ZNF804B: variants seen among roughly 807,000 people sequenced by gnomAD.
The protein encoded by ZNF804B is zinc finger 804B.
Under a neutral mutation model 101.4 loss-of-function variants are expected in ZNF804B, and 80 were observed. That is an observed-to-expected ratio of 0.79 (90% CI 0.66 to 0.95). The LOEUF (loss-of-function observed/expected upper bound fraction) is 0.95. Among genes scored for constraint, ZNF804B ranks in the 40% least tolerant of loss-of-function variants. The probability of loss-of-function intolerance (pLI) is 0.00; values close to 1 mark genes in which losing one functional copy is unlikely to be tolerated. For missense variants in ZNF804B, 1,673 were observed against 1,561.9 expected (o/e 1.07, Z -1.20); for synonymous variants, 622 against 558.8 (o/e 1.11, Z -1.59).
intron 1 of ZNF804B, among the ~76,000 whole-genome samples, chr7:88,773,484 T>A (rs1790098377): frequency 6.6e-6 from 1 of 152,270 alleles, no homozygotes; most frequent in Non-Finnish European, 1.5e-5. Context: ...AGACACTTGC[T>A]GGCCATGTAG....
At chr7:88,807,378 AG>A (rs1398156862) in intron 1 of ZNF804B, among the ~76,000 whole-genome samples, 5 of 152,234 alleles carry the variant, frequency 3.3e-5, no homozygotes, top group Non-Finnish European at 7.3e-5. Context: ...TTGTATGGGT[AG>A]GGTGATGGCA....
chr7:88,904,245 A>G, intron 1 of ZNF804B, among the ~76,000 whole-genome samples: 1 of 152,170 alleles, frequency 6.6e-6, no homozygotes, highest in South Asian at 2.1e-4. Context: ...CAGCCTTGTC[A>G]AAGATCAGAT....
At chr7:89,116,320 G>A (rs1790312523) in intron 1 of ZNF804B, among the ~76,000 whole-genome samples, 1 of 152,064 alleles carries the variant, frequency 6.6e-6, no homozygotes, top group Admixed American at 6.6e-5. Context: ...GACAGGTATG[G>A]CTATTAAAAC....
At chr7:89,319,087 C>T (rs1237920363) in intron 2 of ZNF804B, among the ~76,000 whole-genome samples, 1 of 152,106 alleles carries the variant, frequency 6.6e-6, no homozygotes, top group Non-Finnish European at 1.5e-5. Context: ...TGGTTTTCCG[C>T]CCTGGGCAGG....
At chr7:89,251,385 C>T (rs1789537838) in intron 2 of ZNF804B, among the ~76,000 whole-genome samples, 1 of 152,062 alleles carries the variant, frequency 6.6e-6, no homozygotes, top group South Asian at 2.1e-4. Flanking sequence ...ACTAGGAATA[C>T]ATCTAACCAA....
At chr7:89,092,000 T>G (rs1173541640) in intron 1 of ZNF804B, among the ~76,000 whole-genome samples, 2 of 152,176 alleles carry the variant, frequency 1.3e-5, no homozygotes, top group Non-Finnish European at 2.9e-5. Context: ...TGTGTCTTAG[T>G]TTGTGTAGGC....
At chr7:88,909,068 G>T (rs1792512500) in intron 1 of ZNF804B, among the ~76,000 whole-genome samples, 1 of 151,790 alleles carries the variant, frequency 6.6e-6, no homozygotes, top group Non-Finnish European at 1.5e-5. Context: ...TTATTTTTAA[G>T]AAATTACTAT....
rs79403848 is a variant in ZNF804B, at chr7:89,081,180, C to G, written c.109-136975C>G. ...AAAAAAAGTCAGCCTTCTTCAGGGA[C>G]ACTAGACAGCTCAGGGCTAGAAATT... On this transcript the variant is annotated intron_variant, in intron 1 of 3. Coordinates refer to ENST00000333190, the MANE Select transcript of ZNF804B (RefSeq NM_181646.5). Among the ~76,000 whole-genome samples the G allele has an allele frequency of 3.3e-5, 5 of 151,904 alleles. No homozygotes were observed. The East Asian group carries it at 5.8e-4, about 18-fold the overall frequency.
chr7:88,975,587 A>G (rs10256902), intron 1 of ZNF804B, among the ~76,000 whole-genome samples: 125,786 of 151,452 alleles, frequency 0.83, 52,777 homozygotes, highest in African/African-American at 0.96. Context: ...TGAGAAATCT[A>G]TATTCAGATC....
At chr7:88,834,728 T>C (rs1791184426) in intron 1 of ZNF804B, among the ~76,000 whole-genome samples, 1 of 151,688 alleles carries the variant, frequency 6.6e-6, no homozygotes, top group African/African-American at 2.4e-5. Flanking sequence ...AGTTGAACGA[T>C]GCTATATTGA....
intron 1 of ZNF804B, among the ~76,000 whole-genome samples, chr7:88,898,249 G>T (rs1056294577): frequency 4.0e-5 from 6 of 151,648 alleles, no homozygotes; most frequent in Non-Finnish European, 7.4e-5. Flanking sequence ...ACCACGCCCA[G>T]CTAATTTTTT....
intron 1 of ZNF804B, chr7:88,795,046 T>C: frequency 1.0e-6 from 1 of 960,432 alleles, no homozygotes; most frequent in Non-Finnish European, 1.4e-6. Context: ...TTTTATTTCT[T>C]CTGACAAAAA....
chr7:89,140,414 A>C (rs572268154), intron 1 of ZNF804B, among the ~76,000 whole-genome samples: 3 of 152,072 alleles, frequency 2.0e-5, no homozygotes, highest in African/African-American at 2.4e-5. Context: ...CTCTCTAACT[A>C]TGAAAGTCCT....
rs73386666 is a variant in ZNF804B at position 89,316,830 on chromosome 7, G to A, written c.250-10514G>A. Among the ~76,000 whole-genome samples the A allele has an allele frequency of 3.6e-3, 539 of 151,758 alleles. 5 individuals carry two copies. The highest frequency in any genetic ancestry group is 0.012 in the African/African-American group (517 of 41,520). On this transcript the variant is annotated intron_variant, in intron 2 of 3. Transcript: ENST00000333190. Reference sequence around the variant, plus strand: ...CATGAAGATTCTGAGCAGCACGGAGGCATGAAAAAGACCCTTTGTACTGCA... The same window carrying A: ...CATGAAGATTCTGAGCAGCACGGAGACATGAAAAAGACCCTTTGTACTGCA...
chr7:89,019,651 G>A (rs1181320594), intron 1 of ZNF804B, among the ~76,000 whole-genome samples: 3 of 151,832 alleles, frequency 2.0e-5, no homozygotes. Context: ...TTATAAATCT[G>A]GACCCTCCAA....
At chr7:88,922,818 G>A (rs901416291) in intron 1 of ZNF804B, among the ~76,000 whole-genome samples, 5 of 151,758 alleles carry the variant, frequency 3.3e-5, no homozygotes, top group African/African-American at 1.2e-4. Flanking sequence ...TTTCAATTAT[G>A]ACTTCATTTT....
chr7:88,818,825 A>G (rs1482530022), intron 1 of ZNF804B, among the ~76,000 whole-genome samples: 1 of 152,202 alleles, frequency 6.6e-6, no homozygotes. Flanking sequence ...TATCAACACT[A>G]AAGTACTGCT....
chr7:89,002,793 AAT>A lies in ZNF804B; in HGVS notation c.109-215359_109-215358del, dbSNP rs374049198. On this transcript the variant is annotated intron_variant, in intron 1 of 3. Coordinates refer to ENST00000333190, the MANE Select transcript of ZNF804B (RefSeq NM_181646.5). ...GATGAGAAAAAAAGGAAGTGAACCA[AAT>A]ATGTTAATGGAAAAAATGTTAACAA... Among the ~76,000 whole-genome samples the A allele has an allele frequency of 5.2e-3, 787 of 152,114 alleles. 4 individuals are homozygous for A. Among genetic ancestry groups the A allele is most frequent in the Non-Finnish European group, 8.0e-3 (543 of 67,908 alleles).
intron 2 of ZNF804B, among the ~76,000 whole-genome samples, chr7:89,227,920 C>A (rs932320360): frequency 2.0e-5 from 3 of 152,262 alleles, no homozygotes; most frequent in East Asian, 3.9e-4. Flanking sequence ...AATATTATTT[C>A]TTTGATAATA....
Sources: gnomAD v4.1 joint callset for allele counts (sites outside exome capture counted in the v4.1 genomes callset) on GRCh38, gnomAD v4.1.1 for gene constraint, MANE v1.5 for transcripts, NCBI Gene and HGNC (gene_info 2026-07-23, HGNC 2026-07-21) for gene names.